BICRAL: variants seen among roughly 807,000 people sequenced by gnomAD.
The protein encoded by BICRAL is BICRA like chromatin remodeling complex associated protein, also known as BRD4-interacting chromatin-remodeling complex-associated protein-like.
Under a neutral mutation model 91.8 loss-of-function variants are expected in BICRAL, and 8 were observed. The observed-to-expected ratio is 0.09, with a 90% CI of 0.05 to 0.16. The LOEUF (loss-of-function observed/expected upper bound fraction) is 0.16. Ranked by LOEUF, BICRAL falls within the 10% of genes least tolerant of loss-of-function variation. BICRAL has a pLI of 1.00. For synonymous variants in BICRAL, 445 were observed against 491.1 expected, an observed-to-expected ratio of 0.91 and a Z score of 1.24; for missense variants, 1,038 against 1,310.9, an observed-to-expected ratio of 0.79 and a Z score of 3.21.
At chr6:42,843,353 T>C (rs1387851621) in intron 6 of BICRAL, among the ~76,000 whole-genome samples, 1 of 152,004 alleles carries the variant, frequency 6.6e-6, no homozygotes, top group African/African-American at 2.4e-5. Context: ...AAAGAGACCA[T>C]GGTGCTGTGG....
At chr6:42,784,791 C>A (rs561969525) in intron 1 of BICRAL, among the ~76,000 whole-genome samples, 8 of 152,294 alleles carry the variant, frequency 5.3e-5, no homozygotes, top group South Asian at 2.1e-4. Flanking sequence ...ACCTCTTCCA[C>A]CATCATTTGC....
chr6:42,861,162 A>G (rs1418218119), intron 11 of BICRAL, among the ~76,000 whole-genome samples: 1 of 152,040 alleles, frequency 6.6e-6, no homozygotes, highest in Non-Finnish European at 1.5e-5. Context: ...AAAATAATGG[A>G]TCACCTGAGG....
At chr6:42,813,919 T>TA (rs1438586610) in intron 2 of BICRAL, among the ~76,000 whole-genome samples, 1 of 152,072 alleles carries the variant, frequency 6.6e-6, no homozygotes, top group Non-Finnish European at 1.5e-5. Flanking sequence ...AGGAAAATGA[T>TA]ACCAGATGGA....
At chr6:42,804,127 A>G (rs1763646293) in intron 1 of BICRAL, among the ~76,000 whole-genome samples, 1 of 152,150 alleles carries the variant, frequency 6.6e-6, no homozygotes, top group Non-Finnish European at 1.5e-5. Flanking sequence ...GGTTCAAGCG[A>G]TTCTCCTGCC....
At chr6:42,754,215 A>G (rs1416086590) in intron 1 of BICRAL, among the ~76,000 whole-genome samples, 1 of 150,768 alleles carries the variant, frequency 6.6e-6, no homozygotes, top group African/African-American at 2.4e-5. Flanking sequence ...TCTGTTGCCC[A>G]GGCTGGAGTG....
At chr6:42,751,909 A>G (rs972999862) in intron 1 of BICRAL, among the ~76,000 whole-genome samples, 3 of 151,720 alleles carry the variant, frequency 2.0e-5, no homozygotes, top group Non-Finnish European at 1.5e-5. Flanking sequence ...CGCCCGCCTC[A>G]GCTTCCCAAA....
chr6:42,792,482 A>C (rs1424360111), intron 1 of BICRAL, among the ~76,000 whole-genome samples: 3 of 150,890 alleles, frequency 2.0e-5, no homozygotes, highest in Non-Finnish European at 2.9e-5. Context: ...TATGTTGCCC[A>C]AGCTGGTCTC....
At chr6:42,833,963 TC>T (rs2113969208) in intron 6 of BICRAL, among the ~76,000 whole-genome samples, 1 of 152,142 alleles carries the variant, frequency 6.6e-6, no homozygotes, top group African/African-American at 2.4e-5. Context: ...CAAGCCATTC[TC>T]CTGCCTCAGC....
At chr6:42,754,945 A>G (rs1180958691) in intron 1 of BICRAL, among the ~76,000 whole-genome samples, 4 of 152,358 alleles carry the variant, frequency 2.6e-5, no homozygotes, top group Non-Finnish European at 2.9e-5. Context: ...TTAAACTGCA[A>G]TTTTAAAATG....
Position 42,828,989 on chromosome 6 carries a change from T to C in BICRAL, c.656T>C (p.Phe219Ser), listed in dbSNP as rs1764386560. 1.9e-6 allele frequency: 3 copies of C among 1,613,988 alleles called. No individual in the cohort carries two copies. The highest frequency in any genetic ancestry group is 2.7e-5 in the African/African-American group (2 of 74,904). Residue 219 changes from phenylalanine (F) to serine (S), a missense_variant, in exon 6 of 13, where the codon TTT becomes TCT. By Grantham distance (155) the Phe-to-Ser change is radical. This residue lies in a region of BICRAL where 532 missense variants were observed against 724.9 expected (regional missense o/e 0.73). Transcript: ENST00000314073. ...GGTCAAATACAGTTAATTGGGTCAT[T>C]TGGTAATCATCCTTCCATGATGACT... is the stretch of plus-strand genomic sequence containing the variant. ...GSGQIQLIGS[F>S]GNHPSMMTIN...
intron 2 of BICRAL, among the ~76,000 whole-genome samples, chr6:42,819,693 T>C (rs550269824): frequency 1.2e-4 from 18 of 152,338 alleles, no homozygotes; most frequent in Non-Finnish European, 1.5e-5. Context: ...TTAGGCTATA[T>C]TATGACTACA....
intron 1 of BICRAL, among the ~76,000 whole-genome samples, chr6:42,767,166 G>C (rs1308680348): frequency 6.6e-6 from 1 of 152,056 alleles, no homozygotes; most frequent in Non-Finnish European, 1.5e-5. Flanking sequence ...GAAAGAAAGA[G>C]AAAGAAAAGA....
In BICRAL at chr6:42,750,335, A is replaced by AT. The variant is rs201988697; in HGVS notation, c.-261+3321dup. Among the ~76,000 whole-genome samples, 272 of 145,562 alleles carry AT rather than the reference A, an allele frequency of 1.9e-3. 1 individual carries two copies. Among genetic ancestry groups the AT allele is most frequent in the African/African-American group, 6.3e-3 (245 of 39,154 alleles). On this transcript the variant is annotated intron_variant, in intron 1 of 14. Transcript: ENST00000614467. Reference sequence around the variant, plus strand: ...ACCACCACTCCCAGCTAAATTTGGTATTTTTTTTTGCAAAGACAGGGTTTT... The same window carrying AT: ...ACCACCACTCCCAGCTAAATTTGGTATTTTTTTTTTGCAAAGACAGGGTTTT...
intron 1 of BICRAL, among the ~76,000 whole-genome samples, chr6:42,764,800 C>T (rs933275890): frequency 2.6e-5 from 4 of 152,096 alleles, no homozygotes; most frequent in Admixed American, 1.3e-4. Context: ...ACTGGTACTA[C>T]AGGCGTGTGC....
rs187632035 is a variant in BICRAL at position 42,770,928 on chromosome 6, T to C, written c.-260-10911T>C. ...AACTCCTGACCTCAAGTGATCCGCC[T>C]GCCTCGGCCTTACAAAGTGCTGGGA... On this transcript the variant is annotated intron_variant, in intron 1 of 14. Transcript: ENST00000614467. Among the ~76,000 whole-genome samples the C allele has an allele frequency of 1.7e-3, 253 of 151,704 alleles. 1 individual carries two copies. Among genetic ancestry groups the C allele is most frequent in the African/African-American group, 3.6e-3 (147 of 41,268 alleles).
intron 1 of BICRAL, among the ~76,000 whole-genome samples, chr6:42,762,751 C>G (rs755493036): frequency 6.5e-4 from 98 of 151,676 alleles, no homozygotes; most frequent in Middle Eastern, 6.8e-3. Flanking sequence ...AACAATGATA[C>G]TTCGTCTCTA....
At position 42,864,959 on chromosome 6, in the gene BICRAL, C is replaced by G. The variant is rs753900781; in HGVS notation, c.2753C>G (p.Ser918Cys). 8.1e-6 allele frequency: 13 copies of G among 1,614,040 alleles called. No homozygotes were observed. The African/African-American group carries it at 1.1e-4, about 13-fold the overall frequency. ...KVGLVQYQST[S>C]EEKASRREPL... Reference sequence around the variant, plus strand: ...GGCTTAGTGCAGTACCAGAGCACGTCTGAAGAGAAGGCCAGCCGGAGAGAG... The same window carrying G: ...GGCTTAGTGCAGTACCAGAGCACGTGTGAAGAGAAGGCCAGCCGGAGAGAG... The change falls in exon 13 of 13, where the codon TCT becomes TGT. Residue 918 changes from serine to cysteine, a missense_variant. Around this residue, in one of 5 missense-constraint regions of BICRAL, gnomAD observed 294 missense variants for 292.6 expected, o/e 1.00. Coordinates refer to ENST00000314073, the MANE Select transcript of BICRAL (RefSeq NM_001393499.1).
intron 1 of BICRAL, among the ~76,000 whole-genome samples, chr6:42,799,519 C>T (rs977856262): frequency 2.0e-5 from 3 of 152,006 alleles, no homozygotes; most frequent in African/African-American, 7.2e-5. Context: ...TGGTCTTGAT[C>T]TCTTGACCTT....
intron 9 of BICRAL, among the ~76,000 whole-genome samples, chr6:42,856,327 C>A: frequency 7.1e-6 from 1 of 141,744 alleles, no homozygotes; most frequent in East Asian, 2.3e-4. Context: ...AAAATATATA[C>A]ATATATACTT....
Sources: allele counts gnomAD v4.1 joint callset (sites outside exome capture counted in the v4.1 genomes callset), GRCh38; gene constraint gnomAD v4.1.1; regional missense constraint gnomAD v4.1.1; transcripts MANE v1.5; gene names NCBI Gene and HGNC (gene_info 2026-07-23, HGNC 2026-07-21).